The following ULK2 variants were observed in gnomAD, a reference collection of about 807,000 sequenced individuals.
The protein encoded by ULK2 is unc-51 like autophagy activating kinase 2.
A neutral mutation model predicts 127.5 loss-of-function variants in ULK2; 76 were observed. The observed-to-expected ratio is 0.60, with a 90% CI of 0.50 to 0.72. The LOEUF is 0.72. Among genes scored for constraint, ULK2 ranks in the 30% least tolerant of loss-of-function variants. ULK2 has a pLI of 0.00. For missense variants in ULK2, 1,144 were observed against 1,295.9 expected (o/e 0.88, Z 1.80); for synonymous variants, 452 against 461.9 (o/e 0.98, Z 0.28).
chr17:19,785,554 C>A (rs2087010899), intron 21 of ULK2, among the ~76,000 whole-genome samples: 1 of 149,824 alleles, frequency 6.7e-6, no homozygotes, highest in Admixed American at 6.6e-5. Context: ...CAAAAAAAAA[C>A]CAAACCTATA....
At chr17:19,867,261 A>C in intron 1 of ULK2, 67 bp downstream of exon 1, 1 of 1,306,288 alleles carries the variant, frequency 7.7e-7, no homozygotes, top group African/African-American at 1.6e-5. Context: ...CGGCTGCGCC[A>C]AGTTTCAGAA....
intron 9 of ULK2, among the ~76,000 whole-genome samples, chr17:19,839,298 C>T (rs1041639954): frequency 4.6e-5 from 7 of 152,048 alleles, no homozygotes; most frequent in Admixed American, 2.0e-4. Flanking sequence ...TCCTAACATC[C>T]GATATGAAAA....
At chr17:19,782,961 G>A (rs1050518709) in intron 22 of ULK2, among the ~76,000 whole-genome samples, 1 of 139,502 alleles carries the variant, frequency 7.2e-6, no homozygotes, top group African/African-American at 2.7e-5. Context: ...TAAATAAATG[G>A]GTATTCTAGA....
chr17:19,846,660 T>C, intron 6 of ULK2, 77 bp downstream of exon 6: 1 of 1,328,342 alleles, frequency 7.5e-7, no homozygotes, highest in Non-Finnish European at 1.0e-6. Flanking sequence ...AAAAAATCCA[T>C]CATTCAACAA....
rs1351146002 is a variant in ULK2 at position 19,784,603 on chromosome 17, AGCC to A, written c.2252-701_2252-699del. On this transcript the variant is annotated intron_variant, in intron 21 of 26. Coordinates refer to ENST00000395544, the MANE Select transcript of ULK2 (RefSeq NM_014683.4). The stretch of plus-strand genomic sequence containing the variant: ...CAGTGGCGTGATCACAGCTCACTGC[AGCC>A]TTGATTTTCTGGGCTCAGGTAATTC... Among the ~76,000 whole-genome samples, 3 of 132,712 alleles carry A rather than the reference AGCC, an allele frequency of 2.3e-5. No individual in the cohort carries two copies. The East Asian group carries it at 7.0e-4, about 31-fold the overall frequency. 87.1% of individuals were successfully genotyped at this position (132,712 alleles called of 152,430 possible).
chr17:19,780,986 C>T lies in ULK2; in HGVS notation c.2758G>A (p.Val920Ile), dbSNP rs2086905895. The T allele has an allele frequency of 6.2e-7, 1 of 1,613,812 alleles. No homozygotes were observed. The change falls in exon 24 of 27, where the codon GTT becomes ATT. Residue 920 changes from valine (V) to isoleucine (I), a missense_variant and splice_region_variant. Physicochemically the swap from Val to Ile is conservative, Grantham distance 29 (BLOSUM62 3). Transcript: ENST00000395544. Reference sequence around the variant, plus strand: ...AGTTACACGCTGCCTTCTCCCATACCTTGTTTCACAGCTGTGGATGGGCTC... The same window carrying T: ...AGTTACACGCTGCCTTCTCCCATACTTTGTTTCACAGCTGTGGATGGGCTC... ...KLSPSTAVKQ[V>I]VKNLNERYKF...
intron 15 of ULK2, 31 bp downstream of exon 15, chr17:19,804,662 G>A (rs934667516): frequency 9.0e-6 from 14 of 1,548,578 alleles, no homozygotes; most frequent in Non-Finnish European, 1.0e-5. Flanking sequence ...AGATGAAAAA[G>A]AATTAAGCAA....
At chr17:19,780,431 A>G (rs1193798773) in intron 25 of ULK2, 41 bp downstream of exon 25, 17 of 1,496,844 alleles carry the variant, frequency 1.1e-5, no homozygotes, top group East Asian at 2.3e-5. Flanking sequence ...ACACTTAAAG[A>G]TAAGTAGTAC....
intron 12 of ULK2, among the ~76,000 whole-genome samples, chr17:19,823,614 C>G (rs2041214180): frequency 6.6e-6 from 1 of 152,158 alleles, no homozygotes; most frequent in Admixed American, 6.6e-5. Context: ...CATGGCTAGG[C>G]ACTTCCCACA....
rs755344461 is a variant in ULK2 at position 19,776,363 on chromosome 17, T to G, written c.3097A>C (p.Thr1033Pro). ...ERRLSALCHS[T>P]ATV is the part of the protein sequence containing the mutation. ...GAGCCTGCTGCTCACACGGTTGCGGTGCTATGGCAGAGCGCCGACAGTCTT... is the reference window on the plus strand; with the variant it reads ...GAGCCTGCTGCTCACACGGTTGCGGGGCTATGGCAGAGCGCCGACAGTCTT... The change falls in exon 27 of 27, where the codon ACC (threonine) becomes CCC (proline). Residue 1033 changes from threonine (T) to proline (P), a missense_variant. Thr to Pro is a conservative substitution (Grantham distance 38). Transcript: ENST00000395544. The G allele has an allele frequency of 6.2e-7, 1 of 1,606,212 alleles. No individual in the cohort carries two copies.
At position 19,833,849 on chromosome 17, in the gene ULK2, C is replaced by A. The variant is rs541676308; in HGVS notation, c.787+4652G>T. ...TCAAGCATAGACCATTAAGTGCACACAATGGGAGTCTCAGAGAAGAGAAAG... is the reference window on the plus strand; with the variant it reads ...TCAAGCATAGACCATTAAGTGCACAAAATGGGAGTCTCAGAGAAGAGAAAG... On this transcript the variant is annotated intron_variant, in intron 10 of 26. Coordinates refer to ENST00000395544, the MANE Select transcript of ULK2 (RefSeq NM_014683.4). 2.6e-5 allele frequency among the ~76,000 whole-genome samples: 4 copies of A among 152,122 alleles called. No homozygotes were observed. The East Asian group carries it at 7.7e-4, about 29-fold the overall frequency.
At position 19,795,756 on chromosome 17, in the gene ULK2, GAAAAGTATACTTTTT is replaced by G. The variant is rs758832169; in HGVS notation, c.1998-46_1998-32del. The G allele has an allele frequency of 1.0e-4, 163 of 1,593,084 alleles. 1 individual carries two copies. The Middle Eastern group carries it at 5.3e-3, about 52-fold the overall frequency. On this transcript the variant is annotated intron_variant, in intron 19 of 26. Coordinates refer to ENST00000395544, the MANE Select transcript of ULK2 (RefSeq NM_014683.4). ...AAGAATAGTGATGTTTTTAATAAAGGAAAAGTATACTTTTTAAAACTAGAAGGGTTAATAGGAAGT... is the reference window on the plus strand; with the variant it reads ...AAGAATAGTGATGTTTTTAATAAAGGAAAACTAGAAGGGTTAATAGGAAGT...
At chr17:19,841,416 C>A in intron 9 of ULK2, 73 bp downstream of exon 9, 1 of 1,404,070 alleles carries the variant, frequency 7.1e-7, no homozygotes, top group Non-Finnish European at 9.7e-7. Context: ...TGAGAATACA[C>A]AAAACACAAA....
chr17:19,840,814 G>A (rs1021201248), intron 9 of ULK2, among the ~76,000 whole-genome samples: 3 of 151,836 alleles, frequency 2.0e-5, no homozygotes, highest in East Asian at 1.9e-4. Flanking sequence ...ACTTGAACTC[G>A]GGAGGGGGAG....
At chr17:19,825,040 G>A in intron 12 of ULK2, 54 bp downstream of exon 12, 2 of 1,497,648 alleles carry the variant, frequency 1.3e-6, no homozygotes, top group East Asian at 4.5e-5. Context: ...CTCCATTTGA[G>A]AAAAGATGTA....
intron 10 of ULK2, among the ~76,000 whole-genome samples, chr17:19,838,005 C>T (rs2041638952): frequency 6.6e-6 from 1 of 152,310 alleles, no homozygotes; most frequent in African/African-American, 2.4e-5. Context: ...CTAGTTGTTC[C>T]TCAAGCTTAC....
intron 9 of ULK2, chr17:19,840,233 G>T: frequency 2.0e-6 from 1 of 510,554 alleles, no homozygotes; most frequent in Middle Eastern, 3.3e-4. Flanking sequence ...AAGTTGAGCA[G>T]TTGGCCATAA....
chr17:19,785,737 GT>G (rs1490254043), intron 21 of ULK2, among the ~76,000 whole-genome samples, 199 bp downstream of exon 21: 6 of 151,850 alleles, frequency 4.0e-5, no homozygotes, highest in South Asian at 2.1e-4. Context: ...ACTTTACAAA[GT>G]TTTTTTCCCC....
chr17:19,855,454 G>A (rs1383378574), intron 3 of ULK2, among the ~76,000 whole-genome samples: 5 of 149,232 alleles, frequency 3.4e-5, no homozygotes, highest in African/African-American at 7.4e-5. Context: ...ACAATAATTA[G>A]CCGGGTGTGG....
Sources: gnomAD v4.1 joint callset for allele counts (sites outside exome capture counted in the v4.1 genomes callset) on GRCh38, gnomAD v4.1.1 for gene constraint, MANE v1.5 for transcripts, NCBI Gene and HGNC (gene_info 2026-07-23, HGNC 2026-07-21) for gene names.